Variants in PTCHD4 observed in about 807,000 individuals in gnomAD.
The protein encoded by PTCHD4 is patched domain containing 4.
In PTCHD4, 33 loss-of-function variants were observed where a neutral mutation model predicts 58.1. That is an observed-to-expected ratio of 0.57 (90% CI 0.43 to 0.76). PTCHD4 has a LOEUF of 0.76. Ranked by LOEUF, PTCHD4 falls within the 30% of genes least tolerant of loss-of-function variation. PTCHD4 has a pLI of 0.00. For missense variants in PTCHD4, 1,058 were observed against 1,027.1 expected, an observed-to-expected ratio of 1.03 and a Z score of -0.41; for synonymous variants, 478 against 409.6, an observed-to-expected ratio of 1.17 and a Z score of -2.02.
At chr6:48,091,541 C>T (rs1054008296) in intron 1 of PTCHD4, among the ~76,000 whole-genome samples, 4 of 152,178 alleles carry the variant, frequency 2.6e-5, no homozygotes, top group Non-Finnish European at 4.4e-5. Context: ...GAGTACAGAA[C>T]TTTGGACCAC....
At position 47,868,772 on chromosome 6, in the gene PTCHD4, A is replaced by AACAT. The variant is rs1304219586; in HGVS notation, c.*9527_*9530dup. Among the ~76,000 whole-genome samples the AACAT allele has an allele frequency of 6.6e-6, 1 of 151,740 alleles. No individual in the cohort carries two copies. Among genetic ancestry groups the AACAT allele is most frequent in the Non-Finnish European group, 1.5e-5 (1 of 67,792 alleles). ...ATGCTTATTTTTATGTAAAGGAGAA[A>AACAT]ACATGCTTAATTACTCTAAAGAAAA... On this transcript the variant is annotated 3_prime_UTR_variant, in exon 5 of 5. Coordinates refer to ENST00000339488, the MANE Select transcript of PTCHD4 (RefSeq NM_001384253.1).
Position 47,879,816 on chromosome 6 carries a change from G to C in PTCHD4, c.1019C>G (p.Thr340Ser). 6.2e-7 allele frequency: 1 copy of C among 1,613,492 alleles called. No homozygotes were observed. Among genetic ancestry groups the C allele is most frequent in the South Asian group, 1.1e-5 (1 of 91,012 alleles). Residue 340 changes from threonine to serine, a missense_variant, in exon 5 of 5, where the codon ACC becomes AGC. Physicochemically the swap from Thr to Ser is moderately conservative, Grantham distance 58 (BLOSUM62 1). Transcript: ENST00000339488. ...YSDVMVTYTM[T>S]SSLYFITFGM... is the part of the protein sequence containing the mutation. ...AAAAGTGATGAAGTACAGGGAGCTG[G>C]TCATGGTATAGGTGACCATCACATC...
At chr6:48,000,263 A>C (rs1768669300) in intron 4 of PTCHD4, among the ~76,000 whole-genome samples, 1 of 152,148 alleles carries the variant, frequency 6.6e-6, no homozygotes, top group South Asian at 2.1e-4. Flanking sequence ...TTGTTATTAC[A>C]GCATAGTCTA....
intron 3 of PTCHD4, among the ~76,000 whole-genome samples, chr6:48,023,925 C>CA (rs1389836421): frequency 2.6e-5 from 4 of 152,238 alleles, no homozygotes; most frequent in African/African-American, 9.6e-5. Flanking sequence ...ACCACCTTGG[C>CA]ATCACAGGCA....
chr6:48,103,188 C>CTG (rs1765644382), intron 1 of PTCHD4, among the ~76,000 whole-genome samples: 1 of 152,226 alleles, frequency 6.6e-6, no homozygotes, highest in Non-Finnish European at 1.5e-5. Flanking sequence ...AGTAGCCTAA[C>CTG]TGGGAGACAC....
intron 4 of PTCHD4, among the ~76,000 whole-genome samples, chr6:47,888,954 A>G (rs1435674380): frequency 1.4e-4 from 10 of 69,146 alleles, no homozygotes; most frequent in African/African-American, 5.6e-4. Context: ...GATGATTTCC[A>G]ATTTCATCCA....
At chr6:47,944,118 A>G (rs1766332591) in intron 4 of PTCHD4, among the ~76,000 whole-genome samples, 1 of 151,936 alleles carries the variant, frequency 6.6e-6, no homozygotes. Flanking sequence ...CCAATATCTC[A>G]CTGTTCTATG....
At chr6:47,894,772 T>C (rs1423042193) in intron 4 of PTCHD4, among the ~76,000 whole-genome samples, 2 of 152,266 alleles carry the variant, frequency 1.3e-5, no homozygotes, top group Non-Finnish European at 1.5e-5. Flanking sequence ...TTATTCTTTC[T>C]TTCCATCTTG....
chr6:48,019,672 C>G (rs573206657), intron 3 of PTCHD4, among the ~76,000 whole-genome samples: 1 of 150,962 alleles, frequency 6.6e-6, no homozygotes, highest in Non-Finnish European at 1.5e-5. Context: ...GCAGGCGGAG[C>G]TTGCACTGAG....
chr6:47,888,338 C>T (rs1268073538), intron 4 of PTCHD4, among the ~76,000 whole-genome samples: 1 of 151,922 alleles, frequency 6.6e-6, no homozygotes, highest in Non-Finnish European at 1.5e-5. Flanking sequence ...GCCTGGGCGA[C>T]AGCGCGAGAC....
At chr6:48,021,708 T>C (rs967728612) in intron 3 of PTCHD4, among the ~76,000 whole-genome samples, 3 of 152,190 alleles carry the variant, frequency 2.0e-5, no homozygotes, top group Non-Finnish European at 4.4e-5. Flanking sequence ...TTGATTTATG[T>C]AGTTTGGAAA....
intron 4 of PTCHD4, among the ~76,000 whole-genome samples, chr6:47,897,318 A>C (rs945638786): frequency 6.6e-6 from 1 of 152,204 alleles, no homozygotes; most frequent in African/African-American, 2.4e-5. Flanking sequence ...AGTAAGTGGA[A>C]TCTCATTTCT....
At chr6:48,109,333 A>C (rs1429787881) in intron 1 of PTCHD4, among the ~76,000 whole-genome samples, 2 of 152,172 alleles carry the variant, frequency 1.3e-5, no homozygotes, top group African/African-American at 4.8e-5. Context: ...ATGAACATAC[A>C]ACTTTTTAAA....
At chr6:47,995,847 C>T (rs1415310660) in intron 4 of PTCHD4, among the ~76,000 whole-genome samples, 2 of 152,138 alleles carry the variant, frequency 1.3e-5, no homozygotes, top group South Asian at 2.1e-4. Flanking sequence ...ATTTGATGGA[C>T]GTGCAGCCAC....
In PTCHD4 at chr6:47,871,058, G is replaced by A. The variant is rs1763701732; in HGVS notation, c.*7245C>T. On this transcript the variant is annotated 3_prime_UTR_variant, in exon 5 of 5. Coordinates refer to ENST00000339488, the MANE Select transcript of PTCHD4 (RefSeq NM_001384253.1). Reference sequence around the variant, plus strand: ...TCTTTGCTGTAGAAACTGGTATTTTGTCTAGCTAGGATTAAGAACAAGTGG... The same window carrying A: ...TCTTTGCTGTAGAAACTGGTATTTTATCTAGCTAGGATTAAGAACAAGTGG... 6.6e-6 allele frequency among the ~76,000 whole-genome samples: 1 copy of A among 151,480 alleles called. No homozygotes were observed. The highest frequency in any genetic ancestry group is 1.5e-5 in the Non-Finnish European group (1 of 67,642).
chr6:47,953,118 A>C (rs1766717405), intron 4 of PTCHD4, among the ~76,000 whole-genome samples: 1 of 152,064 alleles, frequency 6.6e-6, no homozygotes, highest in Admixed American at 6.6e-5. Flanking sequence ...GACAGAATGT[A>C]CCCTCTAGAA....
chr6:48,021,693 T>C (rs749596421), intron 3 of PTCHD4, among the ~76,000 whole-genome samples: 11 of 152,178 alleles, frequency 7.2e-5, no homozygotes, highest in Non-Finnish European at 1.6e-4. Context: ...CTAGGAAATA[T>C]GCCATTGATT....
At chr6:47,915,571 A>ATTTT (rs35234678) in intron 4 of PTCHD4, among the ~76,000 whole-genome samples, 1,752 of 144,664 alleles carry the variant, frequency 0.012, 37 homozygotes, top group African/African-American at 0.031. Context: ...TAGAAGACAG[A>ATTTT]TTTTTTTTTT....
Position 47,862,240 on chromosome 6 carries a change from C to CTTT in PTCHD4, c.*16060_*16062dup, listed in dbSNP as rs35015148. 2.7e-5 allele frequency among the ~76,000 whole-genome samples: 4 copies of CTTT among 149,342 alleles called. No individual in the cohort carries two copies. Among genetic ancestry groups the CTTT allele is most frequent in the African/African-American group, 9.8e-5 (4 of 40,732 alleles). On this transcript the variant is annotated 3_prime_UTR_variant, in exon 5 of 5. Coordinates refer to ENST00000339488, the MANE Select transcript of PTCHD4 (RefSeq NM_001384253.1). ...AATCATTACTTTTGTTGCATTATGG[C>CTTT]TTTTTTTTTAATATCTTGGGTCTGG...
Sources: allele counts gnomAD v4.1 joint callset (sites outside exome capture counted in the v4.1 genomes callset), GRCh38; gene constraint gnomAD v4.1.1; transcripts MANE v1.5; gene names NCBI Gene and HGNC (gene_info 2026-07-23, HGNC 2026-07-21).